Variants in RUNX1T1 observed in about 807,000 individuals in gnomAD.
RUNX1T1 encodes the protein RUNX1 partner transcriptional co-repressor 1.
A neutral mutation model predicts 62.8 loss-of-function variants in RUNX1T1; 4 were observed. The observed-to-expected ratio is 0.06, with a 90% confidence interval of 0.03 to 0.15. The LOEUF (loss-of-function observed/expected upper bound fraction) is 0.15. Among genes scored for constraint, RUNX1T1 ranks in the 10% least tolerant of loss-of-function variants. The pLI is 1.00. For missense variants in RUNX1T1, 508 were observed against 754.3 expected (o/e 0.67, Z 3.82); for synonymous variants, 291 against 286.0 (o/e 1.02, Z -0.18).
intron 8 of RUNX1T1, among the ~76,000 whole-genome samples, chr8:91,978,977 A>G (rs2130740508): frequency 6.6e-6 from 1 of 152,290 alleles, no homozygotes; most frequent in African/African-American, 2.4e-5. Context: ...ATGCTAACCT[A>G]CCTTCTAAAA....
At position 92,032,887 on chromosome 8, in the gene RUNX1T1, C is replaced by T. The variant is rs537453379; in HGVS notation, c.8-15524G>A. Among the ~76,000 whole-genome samples the T allele has an allele frequency of 3.5e-4, 53 of 152,094 alleles. 1 individual carries two copies. In the South Asian group the frequency reaches 0.01, roughly 29 times the overall value. ...AAATGTACAAAATAAATATTAATGACCCATAACCCTATAAGGGAAAGTTTA... is the reference window on the plus strand; with the variant it reads ...AAATGTACAAAATAAATATTAATGATCCATAACCCTATAAGGGAAAGTTTA... On this transcript the variant is annotated intron_variant, in intron 1 of 10. Transcript: ENST00000396218.
At chr8:92,063,630 C>A (rs1170317650), upstream of RUNX1T1, 1 of 152,154 alleles carries the variant, frequency 6.6e-6, no homozygotes, top group African/African-American at 2.4e-5. Context: ...TCTCAGCAGT[C>A]CCTCTTTAGT....
intron 1 of RUNX1T1, among the ~76,000 whole-genome samples, chr8:92,082,964 G>A (rs989717000): frequency 2.6e-5 from 4 of 152,140 alleles, no homozygotes; most frequent in African/African-American, 9.7e-5. Context: ...AGGGAATCTG[G>A]TAGGGAAAAT....
chr8:92,089,869 ATCC>A (rs1284370959), intron 1 of RUNX1T1, among the ~76,000 whole-genome samples: 7 of 145,096 alleles, frequency 4.8e-5, no homozygotes, highest in Non-Finnish European at 1.0e-4. Flanking sequence ...TTCCACACTG[ATCC>A]CTTTCCCAGT....
At chr8:92,003,546 A>C (rs1820167820) in intron 5 of RUNX1T1, among the ~76,000 whole-genome samples, 1 of 151,784 alleles carries the variant, frequency 6.6e-6, no homozygotes, top group Non-Finnish European at 1.5e-5. Context: ...ACTCTCCTCC[A>C]CCCCAACAAC....
chr8:92,084,359 A>T (rs1197813169), intron 1 of RUNX1T1, among the ~76,000 whole-genome samples: 2 of 152,168 alleles, frequency 1.3e-5, no homozygotes, highest in Non-Finnish European at 2.9e-5. Context: ...AAAACTTATA[A>T]GCCAAAATAT....
exon 11 of RUNX1T1, chr8:91,959,794 C>CTT (rs762118177): frequency 2.6e-4 from 57 of 217,024 alleles, no homozygotes; most frequent in South Asian, 4.1e-4. Flanking sequence ...GGGTTTTCCT[C>CTT]TTTTTTTTTT....
chr8:92,075,959 C>G lies in RUNX1T1; in HGVS notation c.88+6G>C. ...TGCAAAATCAAAATATTTGTCTGTT[C>G]CTTACCTTGACAATATTCAAAGTTC... is the stretch of plus-strand genomic sequence containing the variant. On this transcript the variant is annotated splice_donor_region_variant and intron_variant, in intron 2 of 11. Coordinates refer to the RUNX1T1 transcript ENST00000265814. 1.2e-6 allele frequency: 2 copies of G among 1,608,064 alleles called. No homozygotes were observed. Among genetic ancestry groups the G allele is most frequent in the African/African-American group, 2.7e-5 (2 of 74,718 alleles).
chr8:92,088,743 T>C (rs1187028128), intron 1 of RUNX1T1, among the ~76,000 whole-genome samples: 1 of 152,178 alleles, frequency 6.6e-6, no homozygotes, highest in Non-Finnish European at 1.5e-5. Flanking sequence ...AATTATCTCA[T>C]TACGTGGCCA....
At chr8:92,029,143 CAGGA>C (rs1825784104) in intron 1 of RUNX1T1, among the ~76,000 whole-genome samples, 1 of 152,072 alleles carries the variant, frequency 6.6e-6, no homozygotes, top group East Asian at 1.9e-4. Context: ...AAGCAAACAG[CAGGA>C]GTTTAAATGA....
At chr8:92,008,813 T>C (rs1031181037) in intron 4 of RUNX1T1, among the ~76,000 whole-genome samples, 1 of 152,214 alleles carries the variant, frequency 6.6e-6, no homozygotes, top group African/African-American at 2.4e-5. Context: ...AATTTCTTAG[T>C]TTCAGGATGA....
At chr8:92,014,771 T>C (rs773015603) in exon 3 of RUNX1T1, 1 of 1,613,724 alleles carries the variant, frequency 6.2e-7, no homozygotes, top group Middle Eastern at 1.7e-4. Context: ...CATTGGGTGG[T>C]GAGGGGGCGC....
At chr8:91,964,861 A>G (rs1440077416) in intron 10 of RUNX1T1, among the ~76,000 whole-genome samples, 1 of 152,192 alleles carries the variant, frequency 6.6e-6, no homozygotes, top group African/African-American at 2.4e-5. Context: ...AGGCTTCAAA[A>G]GCCAGGCCAA....
intron 1 of RUNX1T1, among the ~76,000 whole-genome samples, chr8:92,097,003 A>G (rs1324260982): frequency 6.6e-6 from 1 of 152,110 alleles, no homozygotes; most frequent in East Asian, 1.9e-4. Flanking sequence ...ACACACACCA[A>G]TGTTCCAACC....
At chr8:92,041,099 T>C (rs1427501223) in intron 1 of RUNX1T1, among the ~76,000 whole-genome samples, 2 of 152,226 alleles carry the variant, frequency 1.3e-5, no homozygotes, top group African/African-American at 2.4e-5. Context: ...AGTTAACTCA[T>C]TTAATTTTCA....
At chr8:92,089,975 C>T (rs966854255) in intron 1 of RUNX1T1, among the ~76,000 whole-genome samples, 4 of 148,860 alleles carry the variant, frequency 2.7e-5, no homozygotes, top group African/African-American at 9.9e-5. Context: ...TCTCCTAACC[C>T]TGGGAAAGCC....
chr8:92,042,612 C>G lies in RUNX1T1; in HGVS notation c.7+19934G>C, dbSNP rs555209317. Among the ~76,000 whole-genome samples, 49 of 152,286 alleles carry G rather than the reference C, an allele frequency of 3.2e-4. 1 individual carries two copies. Among genetic ancestry groups the G allele is most frequent in the African/African-American group, 1.2e-3 (48 of 41,572 alleles). ...GAATTACAGGCATGGGGCACCATGCCCACCCACTTGATCTGCTTTCCCTCA... is the reference window on the plus strand; with the variant it reads ...GAATTACAGGCATGGGGCACCATGCGCACCCACTTGATCTGCTTTCCCTCA... On this transcript the variant is annotated intron_variant, in intron 1 of 10. Transcript: ENST00000396218.
intron 1 of RUNX1T1, among the ~76,000 whole-genome samples, chr8:92,032,386 T>C (rs1022339049): frequency 3.9e-5 from 6 of 152,182 alleles, no homozygotes; most frequent in Admixed American, 2.0e-4. Flanking sequence ...TCATTCTGTA[T>C]GAATAAAAAC....
chr8:92,053,594 G>T (rs1830561786), intron 1 of RUNX1T1, among the ~76,000 whole-genome samples: 1 of 152,138 alleles, frequency 6.6e-6, no homozygotes, highest in African/African-American at 2.4e-5. Flanking sequence ...CAATAAAGTT[G>T]TGGGCCACAA....
Sources: gnomAD v4.1 joint callset for allele counts (sites outside exome capture counted in the v4.1 genomes callset) on GRCh38, gnomAD v4.1.1 for gene constraint, MANE v1.5 for transcripts, NCBI Gene and HGNC (gene_info 2026-07-23, HGNC 2026-07-21) for gene names.